CCDC85C: variants seen among roughly 807,000 people sequenced by gnomAD.
CCDC85C encodes the protein coiled-coil domain-containing protein 85C.
In CCDC85C, 18 loss-of-function variants were observed where a neutral mutation model predicts 38.3. The ratio of observed to expected loss-of-function variants is 0.47; its 90% CI spans 0.33 to 0.70. CCDC85C has a LOEUF of 0.70. CCDC85C is among the 30% of genes least tolerant of loss of function. CCDC85C has a pLI of 0.03. For synonymous variants in CCDC85C, 264 were observed against 293.8 expected (o/e 0.90, Z 1.04); for missense variants, 566 against 621.2 (o/e 0.91, Z 0.94).
At chr14:99,523,383 T>C (rs1595340194) in intron 2 of CCDC85C, among the ~76,000 whole-genome samples, 2 of 152,216 alleles carry the variant, frequency 1.3e-5, no homozygotes, top group East Asian at 3.9e-4. Flanking sequence ...GGTCCAGCTC[T>C]TGTGTTCTCC....
rs1214549241 is a variant in CCDC85C at position 99,520,423 on chromosome 14, C to T, written c.975+1710G>A. Among the ~76,000 whole-genome samples the T allele has an allele frequency of 2.0e-5, 3 of 150,706 alleles. No individual in the cohort carries two copies. Among genetic ancestry groups the T allele is most frequent in the South Asian group, 2.1e-4 (1 of 4,706 alleles). On this transcript the variant is annotated intron_variant, in intron 3 of 5. Transcript: ENST00000380243. This position sits in a 1 kb window ranked among gnomAD's most constrained non-coding sequence, Gnocchi z 4.1. ...CAACCCCCACTCCTGGGGGCCTGCCCGCCGACCAGCCCCGATCACGGCCCC... is the reference window on the plus strand; with the variant it reads ...CAACCCCCACTCCTGGGGGCCTGCCTGCCGACCAGCCCCGATCACGGCCCC...
At chr14:99,571,125 G>A (rs1371573344) in intron 1 of CCDC85C, among the ~76,000 whole-genome samples, 1 of 152,164 alleles carries the variant, frequency 6.6e-6, no homozygotes, top group East Asian at 1.9e-4. Context: ...CGGGAAGGAG[G>A]AATGAAGACA....
intron 1 of CCDC85C, among the ~76,000 whole-genome samples, chr14:99,592,145 C>T (rs539678919): frequency 3.3e-4 from 51 of 152,340 alleles, no homozygotes; most frequent in Non-Finnish European, 5.9e-4. Context: ...TTCCCCATCT[C>T]GCTGTCAGCA....
intron 1 of CCDC85C, among the ~76,000 whole-genome samples, 157 bp from the exon 2 acceptor site, chr14:99,536,245 G>A (rs1391394929): frequency 3.3e-5 from 5 of 152,092 alleles, no homozygotes; most frequent in East Asian, 3.9e-4. Flanking sequence ...GCCCTCGCCC[G>A]CCCTGTGGAA....
intron 1 of CCDC85C, among the ~76,000 whole-genome samples, chr14:99,585,908 C>T (rs2055020734): frequency 6.6e-6 from 1 of 152,198 alleles, no homozygotes; most frequent in African/African-American, 2.4e-5. Flanking sequence ...GGACCTTAGG[C>T]GTAAAGCTAG....
At chr14:99,517,713 G>A (rs8004882) in intron 3 of CCDC85C, among the ~76,000 whole-genome samples, 14,503 of 152,230 alleles carry the variant, frequency 0.095, 1,568 homozygotes, top group African/African-American at 0.27. Context: ...TGGCTGCCAG[G>A]TGCCCAGCTC....
chr14:99,575,050 G>A (rs1179751466), intron 1 of CCDC85C, among the ~76,000 whole-genome samples: 3 of 152,202 alleles, frequency 2.0e-5, no homozygotes, highest in African/African-American at 4.8e-5. Flanking sequence ...GCCAGAGGGT[G>A]GCCTTTTGGA....
intron 1 of CCDC85C, among the ~76,000 whole-genome samples, chr14:99,578,308 A>AGTGT (rs144925029): frequency 0.039 from 4,053 of 104,690 alleles, 136 homozygotes; most frequent in Non-Finnish European, 0.054. Context: ...ATCCCCCATC[A>AGTGT]GTGTGTGTGT....
intron 1 of CCDC85C, among the ~76,000 whole-genome samples, chr14:99,589,182 G>A (rs550411464): frequency 1.3e-5 from 2 of 151,874 alleles, no homozygotes; most frequent in African/African-American, 4.8e-5. Context: ...AGGACAGCAG[G>A]CAGCGGGGAG....
Position 99,585,421 on chromosome 14 carries a change from G to A in CCDC85C, c.793+17746C>T, listed in dbSNP as rs76733068. On this transcript the variant is annotated intron_variant, in intron 1 of 5. Coordinates refer to ENST00000380243, the MANE Select transcript of CCDC85C (RefSeq NM_001144995.2). ...TGTAGGGTCAAACCCCCGCTCTGCC[G>A]CTTCCTCCACTGGGACCTTCTTGGG... 6.9e-3 allele frequency among the ~76,000 whole-genome samples: 1,053 copies of A among 152,260 alleles called. 58 individuals carry two copies. The East Asian group carries it at 0.13, about 19-fold the overall frequency.
chr14:99,516,241 A>C lies in CCDC85C; in HGVS notation c.1117T>G (p.Cys373Gly). 6.4e-7 allele frequency: 1 copy of C among 1,551,220 alleles called. No individual in the cohort carries two copies. Among genetic ancestry groups the C allele is most frequent in the Non-Finnish European group, 8.7e-7 (1 of 1,146,942 alleles). Residue 373 changes from cysteine to glycine, a missense_variant, in exon 5 of 6, where the codon TGT becomes GGT. Transcript: ENST00000380243. This position sits in a 1 kb window ranked among gnomAD's most constrained non-coding sequence, Gnocchi z 5.5. Reference protein sequence around the residue: ...ENLDRQLQDSCEEDLSEKEKA... With the variant: ...ENLDRQLQDSGEEDLSEKEKA... ...TCCTTCTCACTCAGGTCCTCCTCAC[A>C]GCTGTCCTGGAGCTGCCGGTCCAGA...
intron 2 of CCDC85C, among the ~76,000 whole-genome samples, chr14:99,525,176 C>T (rs1482741670): frequency 6.6e-6 from 1 of 152,204 alleles, no homozygotes; most frequent in Non-Finnish European, 1.5e-5. Context: ...GCCTTCACTG[C>T]AACACTGCCC....
intron 2 of CCDC85C, among the ~76,000 whole-genome samples, chr14:99,525,770 C>G (rs1029299791): frequency 6.6e-6 from 1 of 152,232 alleles, no homozygotes; most frequent in Non-Finnish European, 1.5e-5. Context: ...AGACTCGAAG[C>G]CCCAGGCTGA....
intron 1 of CCDC85C, among the ~76,000 whole-genome samples, chr14:99,565,486 C>T (rs1898198176): frequency 6.6e-6 from 1 of 152,256 alleles, no homozygotes; most frequent in African/African-American, 2.4e-5. Context: ...CTTAGTAGCA[C>T]TGGCCTGGAC....
In CCDC85C at chr14:99,548,388, G is replaced by T. The variant is rs1041615785; in HGVS notation, c.794-12300C>A. Among the ~76,000 whole-genome samples the T allele has an allele frequency of 2.0e-5, 3 of 152,136 alleles. No individual in the cohort carries two copies. Among genetic ancestry groups the T allele is most frequent in the Non-Finnish European group, 4.4e-5 (3 of 68,030 alleles). Reference sequence around the variant, plus strand: ...TTGGCGGAGAGTAAAAAGTGGTCATGCTGTGTGACGGTGCACACGTAAGAA... The same window carrying T: ...TTGGCGGAGAGTAAAAAGTGGTCATTCTGTGTGACGGTGCACACGTAAGAA... On this transcript the variant is annotated intron_variant, in intron 1 of 5. Transcript: ENST00000380243. The surrounding 1 kb of genome is among the most constrained non-coding windows in gnomAD (Gnocchi z 4.9).
At chr14:99,599,082 C>G (rs1336318968) in intron 1 of CCDC85C, among the ~76,000 whole-genome samples, 1 of 152,138 alleles carries the variant, frequency 6.6e-6, no homozygotes, top group African/African-American at 2.4e-5. Flanking sequence ...TTAGGAAAAG[C>G]AGCCTTATTA....
chr14:99,561,977 C>A (rs1428255063), intron 1 of CCDC85C, among the ~76,000 whole-genome samples: 2 of 152,204 alleles, frequency 1.3e-5, no homozygotes. Flanking sequence ...TCTTCCTGGG[C>A]TCCCCACGCG....
chr14:99,552,140 T>A (rs1897923601), intron 1 of CCDC85C, among the ~76,000 whole-genome samples: 1 of 152,080 alleles, frequency 6.6e-6, no homozygotes, highest in Non-Finnish European at 1.5e-5. Context: ...GCGAAGCTCC[T>A]CCCAGGCCCG....
At chr14:99,542,606 G>GCCT (rs1208269708) in intron 1 of CCDC85C, among the ~76,000 whole-genome samples, 1 of 152,172 alleles carries the variant, frequency 6.6e-6, no homozygotes, top group East Asian at 1.9e-4. Context: ...GTAGCAGCCG[G>GCCT]CCTCCTCTTC....
Sources: gnomAD v4.1 joint callset for allele counts (sites outside exome capture counted in the v4.1 genomes callset) on GRCh38, gnomAD v4.1.1 for gene constraint, Gnocchi (gnomAD v3.1) non-coding constraint, MANE v1.5 for transcripts, NCBI Gene and HGNC (gene_info 2026-07-23, HGNC 2026-07-21) for gene names.